Variants in IGSF11 observed in about 807,000 individuals in gnomAD.
The protein encoded by IGSF11 is CXADR like 1.
A neutral mutation model predicts 41.0 loss-of-function variants in IGSF11; 22 were observed. The observed-to-expected ratio is 0.54, with a 90% CI of 0.38 to 0.77. The LOEUF is 0.77. Ranked by LOEUF, IGSF11 falls within the 30% of genes least tolerant of loss-of-function variation. IGSF11 has a pLI of 0.00. For synonymous variants in IGSF11, 219 were observed against 201.3 expected, an observed-to-expected ratio of 1.09 and a Z score of -0.74; for missense variants, 444 against 530.8, an observed-to-expected ratio of 0.84 and a Z score of 1.61.
At chr3:119,045,303 G>T (rs903499667) in intron 1 of IGSF11, among the ~76,000 whole-genome samples, 4 of 152,232 alleles carry the variant, frequency 2.6e-5, no homozygotes, top group Non-Finnish European at 4.4e-5. Context: ...TGCACGAGCC[G>T]AAGCAGGGCG....
intron 1 of IGSF11, among the ~76,000 whole-genome samples, chr3:119,048,130 C>T (rs1293128061): frequency 1.3e-5 from 2 of 151,568 alleles, no homozygotes; most frequent in East Asian, 1.9e-4. Flanking sequence ...TAGCAGAAGG[C>T]AAGAAATAAC....
chr3:119,080,097 T>C (rs1383923154), intron 1 of IGSF11, among the ~76,000 whole-genome samples: 2 of 152,154 alleles, frequency 1.3e-5, no homozygotes, highest in Non-Finnish European at 2.9e-5. Context: ...AAGTAAGTAA[T>C]TATTTATCTA....
In IGSF11 at chr3:118,902,257, T is replaced by C. The variant is rs1938955407; in HGVS notation, c.*263A>G. 4 of 422,004 alleles carry C rather than the reference T, an allele frequency of 9.5e-6. No individual in the cohort carries two copies. Among genetic ancestry groups the C allele is most frequent in the African/African-American group, 5.9e-5 (3 of 50,880 alleles). The allele number at this position is 422,004 out of a possible 1,614,324, so 26.1% of individuals were successfully genotyped here. ...GATTTTAAGTACTATTCTGCTCTTG[T>C]ATCTTTTTCCTTGGCTTGGCACATC... On this transcript the variant is annotated 3_prime_UTR_variant, in exon 7 of 7. Coordinates refer to ENST00000393775, the MANE Select transcript of IGSF11 (RefSeq NM_001015887.3).
intron 1 of IGSF11, among the ~76,000 whole-genome samples, chr3:118,994,980 C>T (rs182841669): frequency 1.6e-4 from 24 of 152,156 alleles, no homozygotes; most frequent in Non-Finnish European, 2.8e-4. Flanking sequence ...AATAGAAAAG[C>T]GGCTTGAAGG....
intron 1 of IGSF11, among the ~76,000 whole-genome samples, chr3:118,973,371 G>A (rs1448602426): frequency 6.6e-6 from 1 of 152,144 alleles, no homozygotes; most frequent in East Asian, 1.9e-4. Context: ...CTCAAAACTA[G>A]GGAAAATCAT....
At chr3:118,973,113 A>G (rs986554361) in intron 1 of IGSF11, among the ~76,000 whole-genome samples, 2 of 152,092 alleles carry the variant, frequency 1.3e-5, no homozygotes, top group Non-Finnish European at 2.9e-5. Flanking sequence ...CTGCTCTCTC[A>G]CCCAGGATCT....
intron 1 of IGSF11, among the ~76,000 whole-genome samples, chr3:118,998,320 A>G (rs1208513091): frequency 6.6e-6 from 1 of 152,198 alleles, no homozygotes; most frequent in Non-Finnish European, 1.5e-5. Flanking sequence ...CTGGTTAAAT[A>G]CAAGAAATAT....
At chr3:119,033,173 C>T (rs1448205068) in intron 1 of IGSF11, among the ~76,000 whole-genome samples, 1 of 152,120 alleles carries the variant, frequency 6.6e-6, no homozygotes, top group Non-Finnish European at 1.5e-5. Context: ...AAAAGAGGAG[C>T]ATTTATTATA....
At chr3:118,979,008 T>C (rs1304852034) in intron 1 of IGSF11, among the ~76,000 whole-genome samples, 1 of 152,080 alleles carries the variant, frequency 6.6e-6, no homozygotes, top group African/African-American at 2.4e-5. Context: ...CCCTGAGCTA[T>C]AAGATAACTC....
At chr3:119,015,762 CTG>C (rs1938612604) in intron 1 of IGSF11, among the ~76,000 whole-genome samples, 1 of 149,030 alleles carries the variant, frequency 6.7e-6, no homozygotes, top group African/African-American at 2.5e-5. Context: ...AAAAAAAAAA[CTG>C]TTTTATAATG....
chr3:118,922,399 A>G (rs1042827166), intron 4 of IGSF11, among the ~76,000 whole-genome samples: 3 of 134,178 alleles, frequency 2.2e-5, no homozygotes, highest in African/African-American at 7.1e-5. Flanking sequence ...ATCACATCAC[A>G]TAACTACCTT....
Position 118,901,866 on chromosome 3 carries a change from T to C in IGSF11, c.*654A>G, listed in dbSNP as rs1938907084. 6.6e-6 allele frequency: 1 copy of C among 152,056 alleles called. No homozygotes were observed. The highest frequency in any genetic ancestry group is 6.6e-5 in the Admixed American group (1 of 15,266). 9.4% of individuals were successfully genotyped at this position (152,056 alleles called of 1,614,324 possible). On this transcript the variant is annotated 3_prime_UTR_variant, in exon 7 of 7. Coordinates refer to ENST00000393775, the MANE Select transcript of IGSF11 (RefSeq NM_001015887.3). ...ACAGACAGGCAAGAATCTGTCAATA[T>C]AGCAATATTCCACATATGAAATTCA... is the stretch of plus-strand genomic sequence containing the variant.
intron 1 of IGSF11, among the ~76,000 whole-genome samples, chr3:119,054,233 A>G (rs1941733344): frequency 6.6e-6 from 1 of 152,218 alleles, no homozygotes; most frequent in Non-Finnish European, 1.5e-5. Context: ...CAGGCAACCC[A>G]CAGAGGGGGA....
In IGSF11 at chr3:118,957,955, T is replaced by C. The variant is rs1945077229; in HGVS notation, c.53-27680A>G. ...ACTAAGCCTATTACATGTTTCCAAT[T>C]TGACTAGGAAGACATTAGCAAAATA... On this transcript the variant is annotated intron_variant, in intron 1 of 6. Coordinates refer to ENST00000393775, the MANE Select transcript of IGSF11 (RefSeq NM_001015887.3). Among the ~76,000 whole-genome samples the C allele has an allele frequency of 2.6e-5, 4 of 152,208 alleles. No homozygotes were observed. In the South Asian group the frequency reaches 8.3e-4, roughly 31 times the overall value.
chr3:119,034,067 C>T (rs1236864667), intron 1 of IGSF11, among the ~76,000 whole-genome samples: 1 of 152,174 alleles, frequency 6.6e-6, no homozygotes, highest in Non-Finnish European at 1.5e-5. Context: ...AGATCATTTT[C>T]GGCCAAAACG....
chr3:118,979,985 G>A (rs1313744596), intron 1 of IGSF11, among the ~76,000 whole-genome samples: 1 of 152,158 alleles, frequency 6.6e-6, no homozygotes, highest in African/African-American at 2.4e-5. Context: ...CAGTTGGAAT[G>A]TCTATTAATT....
rs1411183615 is a variant in IGSF11 at position 119,137,382 on chromosome 3, G to A, written c.-14+8431C>T. On this transcript the variant is annotated intron_variant, in intron 1 of 7. Coordinates refer to the IGSF11 transcript ENST00000425327. Reference sequence around the variant, plus strand: ...GGCATAAAAACAGACACATAGACCAGAGGAACAGAATAGAAAACCCAGAAG... The same window carrying A: ...GGCATAAAAACAGACACATAGACCAAAGGAACAGAATAGAAAACCCAGAAG... Among the ~76,000 whole-genome samples, 3 of 152,162 alleles carry A rather than the reference G, an allele frequency of 2.0e-5. No individual in the cohort carries two copies. The East Asian group carries it at 5.8e-4, about 29-fold the overall frequency.
chr3:118,952,331 G>A (rs1378573739), intron 1 of IGSF11, among the ~76,000 whole-genome samples: 1 of 152,108 alleles, frequency 6.6e-6, no homozygotes, highest in East Asian at 1.9e-4. Context: ...CTCCTTTCAT[G>A]AAAGATTTCT....
chr3:119,086,658 A>G (rs1023416187), intron 1 of IGSF11, among the ~76,000 whole-genome samples: 12 of 152,142 alleles, frequency 7.9e-5, no homozygotes, highest in Admixed American at 3.3e-4. Flanking sequence ...TTCATATCCC[A>G]CCAAACTAAA....
Sources: allele counts gnomAD v4.1 joint callset (sites outside exome capture counted in the v4.1 genomes callset), GRCh38; gene constraint gnomAD v4.1.1; transcripts MANE v1.5; gene names NCBI Gene and HGNC (gene_info 2026-07-23, HGNC 2026-07-21).